CSMD2: variants seen among roughly 807,000 people sequenced by gnomAD.
The protein encoded by CSMD2 is CUB and sushi domain-containing protein 2.
CSMD2 carries 130 observed loss-of-function variants against 398.5 expected under a neutral mutation model. The ratio of observed to expected loss-of-function variants is 0.33; its 90% CI spans 0.28 to 0.38. CSMD2 has a LOEUF of 0.38. Ranked by LOEUF, CSMD2 falls within the 10% of genes least tolerant of loss-of-function variation. CSMD2 has a pLI of 1.00. For synonymous variants in CSMD2, 1,828 were observed against 1,908.5 expected (o/e 0.96, Z 1.10); for missense variants, 3,829 against 4,764.9 (o/e 0.80, Z 5.78).
intron 12 of CSMD2, among the ~76,000 whole-genome samples, chr1:33,777,024 C>T (rs911965771): frequency 2.0e-5 from 3 of 151,920 alleles, no homozygotes; most frequent in Non-Finnish European, 4.4e-5. Flanking sequence ...AGATCAGTGA[C>T]AGTGATGAGG....
At chr1:33,567,433 C>A (rs1659144378) in intron 53 of CSMD2, among the ~76,000 whole-genome samples, 160 bp downstream of exon 53, 1 of 143,604 alleles carries the variant, frequency 7.0e-6, no homozygotes, top group East Asian at 2.0e-4. Context: ...GAACTGAAAA[C>A]ATTAGATCAA....
In CSMD2 at chr1:33,540,524, C is replaced by T. The variant is rs911562524; in HGVS notation, c.9631+1G>A. Reference sequence around the variant, plus strand: ...ACCAAAGGCCCTTGTAAGCAACTTACGGAAACACTGAGGCAGCTCTCCGGT... The same window carrying T: ...ACCAAAGGCCCTTGTAAGCAACTTATGGAAACACTGAGGCAGCTCTCCGGT... On this transcript the variant is annotated splice_donor_variant, in intron 60 of 70. Coordinates refer to ENST00000373381, the MANE Select transcript of CSMD2 (RefSeq NM_001281956.2). LOFTEE classifies it high-confidence loss of function. 5 of 1,613,910 alleles carry T rather than the reference C, an allele frequency of 3.1e-6. No individual in the cohort carries two copies. Among genetic ancestry groups the T allele is most frequent in the Non-Finnish European group, 4.2e-6 (5 of 1,179,952 alleles).
intron 5 of CSMD2, among the ~76,000 whole-genome samples, chr1:33,871,806 G>A (rs572959383): frequency 3.0e-4 from 46 of 152,214 alleles, no homozygotes; most frequent in African/African-American, 1.1e-3. Context: ...TCATAGAGAT[G>A]GGGTTTCACC....
intron 2 of CSMD2, among the ~76,000 whole-genome samples, chr1:34,081,628 C>T (rs1311746561): frequency 6.6e-6 from 1 of 152,144 alleles, no homozygotes; most frequent in African/African-American, 2.4e-5. Context: ...CCGTGTTGGC[C>T]GGGCTGGTCT....
At chr1:33,576,682 C>T (rs1638264099) in intron 49 of CSMD2, among the ~76,000 whole-genome samples, 1 of 152,150 alleles carries the variant, frequency 6.6e-6, no homozygotes, top group Non-Finnish European at 1.5e-5. Flanking sequence ...GAGCTTTGTA[C>T]ACGGATGATC....
chr1:33,925,267 T>C lies in CSMD2; in HGVS notation c.713-6966A>G, dbSNP rs968532101. 5.3e-5 allele frequency among the ~76,000 whole-genome samples: 8 copies of C among 152,312 alleles called. No homozygotes were observed. The South Asian group carries it at 8.3e-4, about 16-fold the overall frequency. Reference sequence around the variant, plus strand: ...GTGTTTAGTTTCATTTTTCTGCATATGGTTATCCAGTTTTCCCAGCACTAT... The same window carrying C: ...GTGTTTAGTTTCATTTTTCTGCATACGGTTATCCAGTTTTCCCAGCACTAT... On this transcript the variant is annotated intron_variant, in intron 4 of 70. Coordinates refer to ENST00000373381, the MANE Select transcript of CSMD2 (RefSeq NM_001281956.2).
At chr1:33,600,508 T>C (rs1570895195) in intron 44 of CSMD2, 1 of 500,472 alleles carries the variant, frequency 2.0e-6, no homozygotes, top group East Asian at 3.4e-5. Context: ...CTAGATCCCT[T>C]TGGAGAAGGA....
At chr1:33,812,832 T>G (rs576910415) in intron 9 of CSMD2, among the ~76,000 whole-genome samples, 1 of 152,216 alleles carries the variant, frequency 6.6e-6, no homozygotes, top group African/African-American at 2.4e-5. Flanking sequence ...CCATGTCTAT[T>G]CTGTTTCTCT....
At chr1:33,970,429 A>C (rs558961064) in intron 3 of CSMD2, among the ~76,000 whole-genome samples, 9 of 152,180 alleles carry the variant, frequency 5.9e-5, no homozygotes, top group Non-Finnish European at 1.0e-4. Flanking sequence ...TGCTCCCGTA[A>C]AGTGAGGCCA....
At chr1:33,892,070 A>AAT (rs1642059196) in intron 5 of CSMD2, among the ~76,000 whole-genome samples, 1 of 127,950 alleles carries the variant, frequency 7.8e-6, no homozygotes, top group Non-Finnish European at 1.7e-5. Context: ...ATAATAATAA[A>AAT]AAGAAAACCC....
At chr1:34,004,468 T>A (rs1018834332) in intron 3 of CSMD2, among the ~76,000 whole-genome samples, 2 of 151,866 alleles carry the variant, frequency 1.3e-5, no homozygotes, top group African/African-American at 4.8e-5. Flanking sequence ...TTTTTTTTTG[T>A]TTGTTTGTTT....
intron 13 of CSMD2, among the ~76,000 whole-genome samples, chr1:33,763,598 T>C (rs1047039173): frequency 6.6e-6 from 1 of 152,216 alleles, no homozygotes; most frequent in African/African-American, 2.4e-5. Flanking sequence ...AAGTGTTGAC[T>C]AATTCCTTGG....
chr1:33,700,451 C>T lies in CSMD2; in HGVS notation c.3733+66G>A, dbSNP rs1038293935. Reference sequence around the variant, plus strand: ...TTTGTATCTCGTGAGCAAGCAGAAGCTCAAATAAATGAATAAAATGGGAAA... The same window carrying T: ...TTTGTATCTCGTGAGCAAGCAGAAGTTCAAATAAATGAATAAAATGGGAAA... On this transcript the variant is annotated intron_variant, in intron 23 of 70. Coordinates refer to ENST00000373381, the MANE Select transcript of CSMD2 (RefSeq NM_001281956.2). 3.2e-6 allele frequency: 5 copies of T among 1,555,580 alleles called. No individual in the cohort carries two copies. The African/African-American group carries it at 4.1e-5, about 13-fold the overall frequency.
intron 3 of CSMD2, among the ~76,000 whole-genome samples, chr1:34,016,367 A>G (rs909890628): frequency 6.6e-6 from 1 of 150,800 alleles, no homozygotes; most frequent in Non-Finnish European, 1.5e-5. Context: ...ATGTATTGTC[A>G]CTGTTCAACT....
intron 3 of CSMD2, among the ~76,000 whole-genome samples, chr1:34,006,300 C>A (rs1027354697): frequency 6.6e-6 from 1 of 152,100 alleles, no homozygotes; most frequent in Non-Finnish European, 1.5e-5. Context: ...GGATGCTGTA[C>A]GTTGCACCTG....
intron 24 of CSMD2, among the ~76,000 whole-genome samples, chr1:33,694,603 C>T (rs1645354930): frequency 6.6e-6 from 1 of 152,188 alleles, no homozygotes. Flanking sequence ...GTGCCTGCTT[C>T]CCCTTCCGCC....
At chr1:33,970,325 ACT>A (rs1645713986) in intron 3 of CSMD2, among the ~76,000 whole-genome samples, 1 of 151,796 alleles carries the variant, frequency 6.6e-6, no homozygotes, top group Admixed American at 6.6e-5. Context: ...GGTGCCCAAG[ACT>A]CAATCCCCTC....
intron 3 of CSMD2, among the ~76,000 whole-genome samples, chr1:34,025,702 A>T (rs1377094415): frequency 6.6e-6 from 1 of 152,200 alleles, no homozygotes; most frequent in African/African-American, 2.4e-5. Context: ...CAAAGAGAAG[A>T]GGCCATGAAC....
chr1:34,084,238 A>G (rs1441212273), intron 2 of CSMD2, among the ~76,000 whole-genome samples: 1 of 152,290 alleles, frequency 6.6e-6, no homozygotes, highest in South Asian at 2.1e-4. Context: ...CCACTTCTCC[A>G]GGTCATGGAA....
Sources: allele counts gnomAD v4.1 joint callset (sites outside exome capture counted in the v4.1 genomes callset), GRCh38; gene constraint gnomAD v4.1.1; transcripts MANE v1.5; gene names NCBI Gene and HGNC (gene_info 2026-07-23, HGNC 2026-07-21).